Variants in KANSL1 observed in about 807,000 individuals in gnomAD.
KANSL1 encodes KAT8 regulatory NSL complex subunit 1.
KANSL1 carries 22 observed loss-of-function variants against 103.6 expected under a neutral mutation model. That is an observed-to-expected ratio of 0.21 (90% CI 0.15 to 0.30). The LOEUF (loss-of-function observed/expected upper bound fraction) is 0.30. Ranked by LOEUF, KANSL1 falls within the 10% of genes least tolerant of loss-of-function variation. The pLI, the probability that KANSL1 is intolerant of heterozygous loss-of-function variation, is 1.00. For synonymous variants in KANSL1, 600 were observed against 527.6 expected, an observed-to-expected ratio of 1.14 and a Z score of -1.88; for missense variants, 1,337 against 1,399.8, an observed-to-expected ratio of 0.96 and a Z score of 0.72.
chr17:46,101,397 T>G (rs2042307456), intron 2 of KANSL1, among the ~76,000 whole-genome samples: 1 of 152,232 alleles, frequency 6.6e-6, no homozygotes, highest in African/African-American at 2.4e-5. Flanking sequence ...CACAAAGTTG[T>G]GATAGCCATA....
chr17:46,180,140 G>A (rs575606995), intron 1 of KANSL1, among the ~76,000 whole-genome samples: 1 of 152,236 alleles, frequency 6.6e-6, no homozygotes, highest in South Asian at 2.1e-4. Context: ...AATGAAGGTG[G>A]AAAGGCAGTT....
At chr17:46,060,846 G>A (rs922130318) in intron 6 of KANSL1, among the ~76,000 whole-genome samples, 10 of 152,124 alleles carry the variant, frequency 6.6e-5, no homozygotes, top group African/African-American at 2.4e-4. Flanking sequence ...CACTCTTCAA[G>A]TGTGATACAA....
chr17:46,032,956 C>T, intron 13 of KANSL1, 124 bp downstream of exon 13: 1 of 694,006 alleles, frequency 1.4e-6, no homozygotes, highest in South Asian at 1.9e-5. Flanking sequence ...CTATTTGCCA[C>T]TGCCAGTAGA....
At position 46,067,597 on chromosome 17, in the gene KANSL1, G is replaced by A; in HGVS notation, c.1604C>T (p.Ser535Phe). 1 of 1,609,406 alleles carries A rather than the reference G, an allele frequency of 6.2e-7. No individual in the cohort carries two copies. Among genetic ancestry groups the A allele is most frequent in the Non-Finnish European group, 8.5e-7 (1 of 1,175,748 alleles). ...PIIGHISESL[S>F]TKSCGALRPV... The stretch of plus-strand genomic sequence containing the variant: ...TCTGAGTGCTCCACATGATTTGGTA[G>A]ACAGTGACTCTGAAATATGACCAAT... Residue 535 changes from serine to phenylalanine, a missense_variant, in exon 5 of 15, where the codon TCT (serine) becomes TTT (phenylalanine). Coordinates refer to ENST00000432791, the MANE Select transcript of KANSL1 (RefSeq NM_015443.4).
At chr17:46,063,720 T>C (rs1393509910) in intron 6 of KANSL1, among the ~76,000 whole-genome samples, 2 of 152,174 alleles carry the variant, frequency 1.3e-5, no homozygotes, top group Non-Finnish European at 2.9e-5. Flanking sequence ...CATTCAAAAC[T>C]ACATTCGTTC....
intron 10 of KANSL1, chr17:46,034,944 A>C (rs2077104712): frequency 6.6e-6 from 1 of 152,240 alleles, no homozygotes; most frequent in African/African-American, 2.4e-5. Context: ...GGAGAACCTG[A>C]CTATACCTCA....
chr17:46,129,254 T>C (rs1347007179), intron 2 of KANSL1, among the ~76,000 whole-genome samples: 2 of 152,154 alleles, frequency 1.3e-5, no homozygotes, highest in African/African-American at 2.4e-5. Context: ...AATCACAATA[T>C]TGGCATTTAT....
At chr17:46,154,278 G>A (rs1458144233) in intron 2 of KANSL1, among the ~76,000 whole-genome samples, 1 of 152,220 alleles carries the variant, frequency 6.6e-6, no homozygotes, top group Non-Finnish European at 1.5e-5. Context: ...CTAACATTCT[G>A]ATTTGTCCCT....
chr17:46,077,824 C>G (rs1227849792), intron 4 of KANSL1, among the ~76,000 whole-genome samples: 6 of 152,164 alleles, frequency 3.9e-5, no homozygotes. Context: ...TCCCAAAGTA[C>G]TGGGATTACA....
At chr17:46,098,279 G>C (rs943182121) in intron 2 of KANSL1, among the ~76,000 whole-genome samples, 16 of 151,862 alleles carry the variant, frequency 1.1e-4, no homozygotes, top group Admixed American at 6.5e-5. Flanking sequence ...TGGATTTATA[G>C]ATTCCTTTCA....
chr17:46,219,578 G>A (rs1396612528), intron 1 of KANSL1, among the ~76,000 whole-genome samples: 1 of 152,212 alleles, frequency 6.6e-6, no homozygotes, highest in Non-Finnish European at 1.5e-5. Flanking sequence ...TGTTGCCCAG[G>A]CTGTTCTCAA....
chr17:46,154,551 G>C (rs1488727801), intron 2 of KANSL1, among the ~76,000 whole-genome samples: 4 of 152,124 alleles, frequency 2.6e-5, no homozygotes, highest in Non-Finnish European at 5.9e-5. Flanking sequence ...CAAAGCACTG[G>C]GATTACAGGC....
intron 1 of KANSL1, among the ~76,000 whole-genome samples, chr17:46,174,174 T>C (rs2046411989): frequency 6.6e-6 from 1 of 151,972 alleles, no homozygotes; most frequent in Non-Finnish European, 1.5e-5. Flanking sequence ...CAATATTTTA[T>C]TTGGTGGGTG....
chr17:46,099,827 C>T (rs1598616534), intron 2 of KANSL1, among the ~76,000 whole-genome samples: 1 of 152,146 alleles, frequency 6.6e-6, no homozygotes, highest in African/African-American at 2.4e-5. Flanking sequence ...TTGCTCATTG[C>T]TTTTATAAAC....
chr17:46,093,555 A>G (rs757374118), intron 3 of KANSL1: 3 of 152,662 alleles, frequency 2.0e-5, no homozygotes, highest in Non-Finnish European at 2.9e-5. Context: ...TTAGAATAAA[A>G]GTTTAAATGA....
intron 6 of KANSL1, among the ~76,000 whole-genome samples, chr17:46,063,008 C>T (rs1345936724): frequency 6.6e-6 from 1 of 152,184 alleles, no homozygotes; most frequent in African/African-American, 2.4e-5. Context: ...CGAGATCGCA[C>T]CATTGCACTC....
upstream of KANSL1, chr17:46,224,999 G>C (rs1040172056): frequency 6.6e-6 from 1 of 151,352 alleles, no homozygotes; most frequent in African/African-American, 2.4e-5. Flanking sequence ...GGCGCCCCGA[G>C]GTCCGCTCCG....
chr17:46,150,575 T>C (rs139588911), intron 2 of KANSL1, among the ~76,000 whole-genome samples: 2 of 152,346 alleles, frequency 1.3e-5, no homozygotes, highest in East Asian at 3.9e-4. Context: ...TACAACTAAA[T>C]TCCTTTACAT....
intron 4 of KANSL1, among the ~76,000 whole-genome samples, chr17:46,070,372 A>G (rs1454653836): frequency 6.6e-6 from 1 of 152,210 alleles, no homozygotes; most frequent in African/African-American, 2.4e-5. Flanking sequence ...AGATAACAAC[A>G]AGACAAAGAG....
Sources: gnomAD v4.1 joint callset for allele counts (sites outside exome capture counted in the v4.1 genomes callset) on GRCh38, gnomAD v4.1.1 for gene constraint, MANE v1.5 for transcripts, NCBI Gene and HGNC (gene_info 2026-07-23, HGNC 2026-07-21) for gene names.